Variants in ASB4 observed in about 807,000 individuals in gnomAD.
ASB4 encodes the protein ankyrin repeat and SOCS box protein 4.
ASB4 carries 35 observed loss-of-function variants against 38.6 expected under a neutral mutation model. The ratio of observed to expected loss-of-function variants is 0.91; its 90% CI spans 0.69 to 1.20. ASB4 has a LOEUF of 1.20. ASB4 is among the 50% of genes most tolerant of loss of function. The pLI is 0.00. For synonymous variants in ASB4, 195 were observed against 201.3 expected (o/e 0.97, Z 0.26); for missense variants, 557 against 527.2 (o/e 1.06, Z -0.55).
intron 3 of ASB4, among the ~76,000 whole-genome samples, chr7:95,534,222 T>G (rs1790857710): frequency 6.6e-6 from 1 of 152,078 alleles, no homozygotes; most frequent in Admixed American, 6.5e-5. Context: ...GCATGATTTG[T>G]AATCCCAGCT....
chr7:95,549,453 C>T, the ASB4 span, among the ~76,000 whole-genome samples: 2 of 151,882 alleles, frequency 1.3e-5, no homozygotes, highest in Non-Finnish European at 2.9e-5. Flanking sequence ...CCCGCCATCA[C>T]GCCCGGCTAA....
upstream of ASB4, chr7:95,485,794 G>A: frequency 1.8e-6 from 1 of 541,060 alleles, no homozygotes. Flanking sequence ...ACCTGAAAAT[G>A]TAGTGACAGC....
At chr7:95,529,617 T>A (rs1035072641) in intron 3 of ASB4, among the ~76,000 whole-genome samples, 1 of 152,194 alleles carries the variant, frequency 6.6e-6, no homozygotes, top group Non-Finnish European at 1.5e-5. Flanking sequence ...AGGATGCTAA[T>A]GGAAGATTAA....
intron 2 of ASB4, among the ~76,000 whole-genome samples, chr7:95,504,684 C>A (rs763992474): frequency 7.9e-5 from 12 of 152,096 alleles, no homozygotes; most frequent in Non-Finnish European, 1.5e-4. Context: ...AAATTGAAAC[C>A]CAAAATCCCT....
downstream of ASB4, chr7:95,544,102 A>G (rs1489130854): frequency 6.6e-6 from 1 of 152,162 alleles, no homozygotes; most frequent in Non-Finnish European, 1.5e-5. Flanking sequence ...AATCATATGG[A>G]ATAATTTACT....
upstream of ASB4, among the ~76,000 whole-genome samples, chr7:95,477,524 A>G (rs529456268): frequency 2.0e-4 from 30 of 152,290 alleles, 1 homozygote; most frequent in East Asian, 5.4e-3. Context: ...TTTTCTTTAC[A>G]CTATCAGTTT....
At chr7:95,508,853 CAAGAATTGTTATAG>C (rs1790444405) in intron 2 of ASB4, among the ~76,000 whole-genome samples, 1 of 152,024 alleles carries the variant, frequency 6.6e-6, no homozygotes, top group Non-Finnish European at 1.5e-5. Context: ...TGATGGAGTC[CAAGAATTGTTATAG>C]TGGACACTGA....
At chr7:95,503,415 A>C (rs1790367292) in intron 2 of ASB4, among the ~76,000 whole-genome samples, 1 of 152,216 alleles carries the variant, frequency 6.6e-6, no homozygotes, top group Admixed American at 6.5e-5. Flanking sequence ...GGCACATAGA[A>C]AGTGCTCAAT....
At position 95,486,040 on chromosome 7, in the gene ASB4, G is replaced by A. The variant is rs1790084717; in HGVS notation, c.69G>A (p.Glu23=). 6.2e-7 allele frequency: 1 copy of A among 1,614,006 alleles called. No individual in the cohort carries two copies. The highest frequency in any genetic ancestry group is 8.5e-7 in the Non-Finnish European group (1 of 1,180,022). ...AGTTAGTTAAGAGAAATTTCCTTGA[G>A]GCGCTAAAGTCCAATGACTTCGGAA... The part of the protein sequence containing the change: ...AAKLVKRNFL[E]ALKSNDFGKL... Residue 23 remains glutamate, a synonymous_variant, in exon 1 of 5, where the codon GAG becomes GAA. Transcript: ENST00000325885.
At chr7:95,517,378 C>T (rs1790598531) in intron 2 of ASB4, among the ~76,000 whole-genome samples, 1 of 151,996 alleles carries the variant, frequency 6.6e-6, no homozygotes, top group Non-Finnish European at 1.5e-5. Flanking sequence ...AGTCTTTTAT[C>T]ATATATATGA....
chr7:95,548,338 G>T, the ASB4 span, among the ~76,000 whole-genome samples: 1 of 152,224 alleles, frequency 6.6e-6, no homozygotes, highest in South Asian at 2.1e-4. Flanking sequence ...CTTTTCACTT[G>T]CTTATTTGCT....
intron 3 of ASB4, among the ~76,000 whole-genome samples, chr7:95,530,102 G>A (rs1362841059): frequency 2.1e-5 from 1 of 47,826 alleles, no homozygotes. Context: ...AGAAAAAGCA[G>A]GGCAAAAAAA....
At chr7:95,518,660 G>T (rs1221424933) in intron 2 of ASB4, among the ~76,000 whole-genome samples, 2 of 152,204 alleles carry the variant, frequency 1.3e-5, no homozygotes, top group East Asian at 1.9e-4. Flanking sequence ...ATTAAACTGG[G>T]TAACTGGAAC....
chr7:95,507,460 T>C (rs1264801851), intron 2 of ASB4, among the ~76,000 whole-genome samples: 6 of 152,114 alleles, frequency 3.9e-5, no homozygotes, highest in Admixed American at 3.9e-4. Context: ...CCTTAATTCC[T>C]TTAAAATCAA....
intron 2 of ASB4, among the ~76,000 whole-genome samples, chr7:95,504,755 T>C (rs897706572): frequency 6.6e-6 from 1 of 152,170 alleles, no homozygotes; most frequent in African/African-American, 2.4e-5. Flanking sequence ...TTGACCTCCA[T>C]CTGCTCAGAG....
chr7:95,486,496 G>T (rs1790093236), intron 1 of ASB4, among the ~76,000 whole-genome samples: 2 of 152,196 alleles, frequency 1.3e-5, no homozygotes. Context: ...TGGCTAAGCA[G>T]ATTGTTGAAA....
At chr7:95,551,081 A>G in the ASB4 span, among the ~76,000 whole-genome samples, 3 of 152,258 alleles carry the variant, frequency 2.0e-5, no homozygotes, top group East Asian at 5.8e-4. Context: ...ACCAGGTTCA[A>G]GCAATTCTCC....
At chr7:95,503,833 GA>G (rs1407312797) in intron 2 of ASB4, among the ~76,000 whole-genome samples, 1 of 152,140 alleles carries the variant, frequency 6.6e-6, no homozygotes, top group African/African-American at 2.4e-5. Flanking sequence ...GCTCTTTGTG[GA>G]AAAGGCTAAT....
intron 2 of ASB4, among the ~76,000 whole-genome samples, chr7:95,497,495 G>A (rs1314807621): frequency 6.6e-6 from 1 of 152,120 alleles, no homozygotes; most frequent in Non-Finnish European, 1.5e-5. Context: ...ATTTTTTGAG[G>A]TAAAGAAACT....
Sources: gnomAD v4.1 joint callset for allele counts (sites outside exome capture counted in the v4.1 genomes callset) on GRCh38, gnomAD v4.1.1 for gene constraint, MANE v1.5 for transcripts, NCBI Gene and HGNC (gene_info 2026-07-23, HGNC 2026-07-21) for gene names.